The following RPTOR variants were observed in gnomAD, a reference collection of about 807,000 sequenced individuals.
RPTOR encodes the protein regulatory-associated protein of mTOR.
A neutral mutation model predicts 169.9 loss-of-function variants in RPTOR; 21 were observed. The ratio of observed to expected loss-of-function variants is 0.12; its 90% CI spans 0.09 to 0.18. The LOEUF (loss-of-function observed/expected upper bound fraction) is 0.18. RPTOR is among the 10% of genes least tolerant of loss of function. The pLI, the probability that RPTOR is intolerant of heterozygous loss-of-function variation, is 1.00. For synonymous variants in RPTOR, 732 were observed against 753.2 expected, an observed-to-expected ratio of 0.97 and a Z score of 0.46; for missense variants, 1,133 against 1,855.9, an observed-to-expected ratio of 0.61 and a Z score of 7.16.
At chr17:80,763,554 G>C (rs938784699) in intron 6 of RPTOR, among the ~76,000 whole-genome samples, 1 of 152,228 alleles carries the variant, frequency 6.6e-6, no homozygotes, top group Admixed American at 6.5e-5. Flanking sequence ...CTTAGATACA[G>C]AGACACCAAG....
At chr17:80,904,009 G>A (rs1025465616) in intron 20 of RPTOR, among the ~76,000 whole-genome samples, 7 of 152,232 alleles carry the variant, frequency 4.6e-5, no homozygotes, top group Admixed American at 4.6e-4. Flanking sequence ...TTAACTAAAG[G>A]CCATTATGAT....
chr17:80,602,249 A>AC (rs1281750279), intron 1 of RPTOR, among the ~76,000 whole-genome samples: 1 of 46,818 alleles, frequency 2.1e-5, no homozygotes. Context: ...CGGGGGGCTG[A>AC]CCCCCCACCT....
chr17:80,690,951 T>C (rs1445592307), intron 3 of RPTOR, among the ~76,000 whole-genome samples: 1 of 152,172 alleles, frequency 6.6e-6, no homozygotes, highest in African/African-American at 2.4e-5. Flanking sequence ...CATGACACTA[T>C]GCCTTGCTAA....
intron 21 of RPTOR, chr17:80,909,783 G>A (rs1426722540): frequency 6.6e-6 from 1 of 152,088 alleles, no homozygotes; most frequent in Admixed American, 6.5e-5. Context: ...ATCAGTTTTT[G>A]GTTTCATTGG....
intron 1 of RPTOR, among the ~76,000 whole-genome samples, chr17:80,613,131 G>C (rs531617121): frequency 1.4e-4 from 22 of 152,196 alleles, no homozygotes; most frequent in African/African-American, 4.8e-4. Context: ...CGAGAGTCCT[G>C]CTGGCTCTGC....
At chr17:80,879,364 C>T (rs900843754) in intron 13 of RPTOR, among the ~76,000 whole-genome samples, 8 of 150,060 alleles carry the variant, frequency 5.3e-5, no homozygotes, top group Non-Finnish European at 1.0e-4. Flanking sequence ...CCCGCCTGCC[C>T]TGCTCCTGCT....
At chr17:80,644,367 A>G (rs74000848) in intron 3 of RPTOR, among the ~76,000 whole-genome samples, 3,305 of 151,186 alleles carry the variant, frequency 0.022, 129 homozygotes, top group African/African-American at 0.076. Context: ...GTTTAAAGAA[A>G]AGTGGCTTAG....
intron 2 of RPTOR, among the ~76,000 whole-genome samples, chr17:80,637,393 C>T (rs1300464971): frequency 6.6e-6 from 1 of 152,202 alleles, no homozygotes; most frequent in Non-Finnish European, 1.5e-5. Flanking sequence ...CAGCACACAC[C>T]TGCGTTTCCA....
At position 80,784,176 on chromosome 17, in the gene RPTOR, A is replaced by T. The variant is rs190879527; in HGVS notation, c.831-7274A>T. On this transcript the variant is annotated intron_variant, in intron 6 of 33. Coordinates refer to ENST00000306801, the MANE Select transcript of RPTOR (RefSeq NM_020761.3). The stretch of plus-strand genomic sequence containing the variant: ...ACTGTGCTGTCCACGCTGGCCTCAC[A>T]CTCGTGTCCTCAAGTGATCCTCCTG... Among the ~76,000 whole-genome samples, 47 of 150,918 alleles carry T rather than the reference A, an allele frequency of 3.1e-4. No homozygotes were observed. The East Asian group carries it at 7.9e-3, about 25-fold the overall frequency.
chr17:80,894,141 T>C (rs559449648), intron 20 of RPTOR, among the ~76,000 whole-genome samples: 1 of 152,280 alleles, frequency 6.6e-6, no homozygotes, highest in East Asian at 1.9e-4. Context: ...TGCCAGAACC[T>C]TCCATCTTTG....
intron 13 of RPTOR, among the ~76,000 whole-genome samples, chr17:80,874,101 T>C (rs1246109855): frequency 1.3e-5 from 2 of 152,166 alleles, no homozygotes; most frequent in Non-Finnish European, 1.5e-5. Flanking sequence ...TGAAAAAGAT[T>C]GAAAAAGATG....
chr17:80,730,768 G>A lies in RPTOR; in HGVS notation c.654+62G>A. 1 of 555,468 alleles carries A rather than the reference G, an allele frequency of 1.8e-6. No homozygotes were observed. The highest frequency in any genetic ancestry group is 3.3e-6 in the Non-Finnish European group (1 of 302,868). 34.4% of individuals were successfully genotyped at this position (555,468 alleles called of 1,614,324 possible). ...TGGTTTTGTTTTCCCTGGGGGTGGG[G>A]TTTGGGTGGGGAGGTTGGGAGGTGT... On this transcript the variant is annotated intron_variant, in intron 5 of 33. Transcript: ENST00000306801. The surrounding 1 kb of genome is among the most constrained non-coding windows in gnomAD (Gnocchi z 4.2).
intron 7 of RPTOR, among the ~76,000 whole-genome samples, chr17:80,800,900 T>G (rs899682972): frequency 2.6e-5 from 4 of 152,220 alleles, no homozygotes; most frequent in African/African-American, 9.6e-5. Flanking sequence ...ACAGCATATT[T>G]TAAACCGCTA....
intron 1 of RPTOR, among the ~76,000 whole-genome samples, chr17:80,591,439 C>G (rs951792996): frequency 6.8e-6 from 1 of 147,992 alleles, no homozygotes; most frequent in Non-Finnish European, 1.5e-5. Context: ...AGTGCAGTGG[C>G]GTGATCTCGG....
intron 1 of RPTOR, among the ~76,000 whole-genome samples, chr17:80,598,121 A>G (rs2065157662): frequency 6.6e-6 from 1 of 151,640 alleles, no homozygotes; most frequent in Non-Finnish European, 1.5e-5. Flanking sequence ...TAGCCTGGGC[A>G]TCGGAGTGAA....
chr17:80,648,980 C>T (rs1215032214), intron 3 of RPTOR, among the ~76,000 whole-genome samples: 2 of 152,350 alleles, frequency 1.3e-5, no homozygotes, highest in Middle Eastern at 3.4e-3. Flanking sequence ...GTGAGACCTT[C>T]ACAGCCATGT....
At chr17:80,945,269 A>G (rs1341584005) in intron 25 of RPTOR, among the ~76,000 whole-genome samples, 1 of 151,974 alleles carries the variant, frequency 6.6e-6, no homozygotes, top group Admixed American at 6.6e-5. Context: ...CACCCCAGCC[A>G]GGGCGACAGA....
intron 1 of RPTOR, among the ~76,000 whole-genome samples, chr17:80,575,724 CAA>C (rs779880196): frequency 3.9e-5 from 6 of 152,190 alleles, no homozygotes; most frequent in Non-Finnish European, 7.3e-5. Context: ...TCCATTAAGT[CAA>C]ATATTTTATT....
At chr17:80,834,687 C>G (rs375628328) in intron 9 of RPTOR, among the ~76,000 whole-genome samples, 2 of 152,214 alleles carry the variant, frequency 1.3e-5, no homozygotes, top group Non-Finnish European at 1.5e-5. Context: ...GGCATCCTGT[C>G]CGGTGTGCTG....
Sources: gnomAD v4.1 joint callset for allele counts (sites outside exome capture counted in the v4.1 genomes callset) on GRCh38, gnomAD v4.1.1 for gene constraint, Gnocchi (gnomAD v3.1) non-coding constraint, MANE v1.5 for transcripts, NCBI Gene and HGNC (gene_info 2026-07-23, HGNC 2026-07-21) for gene names.